Variants in ABCB5 observed in about 807,000 individuals in gnomAD.
ABCB5 encodes ATP binding cassette subfamily B member 5, also known as ATP-binding cassette sub-family B member 5.
Under a neutral mutation model 144.2 loss-of-function variants are expected in ABCB5, and 155 were observed. That is an observed-to-expected ratio of 1.08 (90% confidence interval 0.94 to 1.23). ABCB5 has a LOEUF of 1.23. Among genes scored for constraint, ABCB5 ranks in the 50% most tolerant of loss-of-function variants. The pLI, the probability that ABCB5 is intolerant of heterozygous loss-of-function variation, is 0.00. For missense variants in ABCB5, 1,830 were observed against 1,520.8 expected (o/e 1.20, Z -3.38); for synonymous variants, 610 against 528.6 (o/e 1.15, Z -2.11).
At chr7:20,624,428 C>T (rs923422566) in intron 2 of ABCB5, among the ~76,000 whole-genome samples, 2 of 152,156 alleles carry the variant, frequency 1.3e-5, no homozygotes, top group East Asian at 3.8e-4. Context: ...AAAAAACTAA[C>T]AGGTCAGTAG....
At chr7:20,691,384 A>T (rs1786223803) in intron 16 of ABCB5, among the ~76,000 whole-genome samples, 1 of 151,586 alleles carries the variant, frequency 6.6e-6, no homozygotes, top group Non-Finnish European at 1.5e-5. Context: ...ACTTCTCAGA[A>T]AGAGAAAAGC....
chr7:20,702,727 T>A (rs1786672408), intron 19 of ABCB5, among the ~76,000 whole-genome samples: 1 of 150,092 alleles, frequency 6.7e-6, no homozygotes, highest in Non-Finnish European at 1.5e-5. Context: ...AATGGCGTGA[T>A]CTCGGCTCAC....
intron 26 of ABCB5, among the ~76,000 whole-genome samples, chr7:20,747,822 AAT>A (rs1324817903): frequency 6.6e-6 from 1 of 152,214 alleles, no homozygotes; most frequent in African/African-American, 2.4e-5. Flanking sequence ...ACCAAAATAA[AAT>A]AGTTTAAAAA....
chr7:20,684,046 T>C (rs1234214215), intron 15 of ABCB5, among the ~76,000 whole-genome samples: 1 of 152,210 alleles, frequency 6.6e-6, no homozygotes, highest in Non-Finnish European at 1.5e-5. Flanking sequence ...GAAATGGTAA[T>C]AACCTATTAA....
At chr7:20,692,013 G>A (rs1430910701) in intron 16 of ABCB5, among the ~76,000 whole-genome samples, 1 of 152,100 alleles carries the variant, frequency 6.6e-6, no homozygotes, top group Non-Finnish European at 1.5e-5. Flanking sequence ...GAGACATTAA[G>A]CATTTATTAT....
At chr7:20,667,166 C>T in intron 14 of ABCB5, 9 of 859,500 alleles carry the variant, frequency 1.0e-5, no homozygotes, top group South Asian at 5.5e-5. Flanking sequence ...TTATTTGATG[C>T]ACTCAGATAC....
At chr7:20,647,370 C>T in intron 9 of ABCB5, 165 bp from the exon 10 acceptor site, 1 of 1,347,360 alleles carries the variant, frequency 7.4e-7, no homozygotes, top group South Asian at 2.1e-5. Flanking sequence ...TGGCTAAGAT[C>T]AAGTGTAATC....
intron 14 of ABCB5, among the ~76,000 whole-genome samples, chr7:20,671,790 T>A (rs1233456741): frequency 6.6e-6 from 1 of 152,250 alleles, no homozygotes; most frequent in African/African-American, 2.4e-5. Context: ...TAAACATTCA[T>A]ATGCAAGTCT....
At chr7:20,698,185 G>A (rs1337876023) in intron 16 of ABCB5, among the ~76,000 whole-genome samples, 1 of 151,968 alleles carries the variant, frequency 6.6e-6, no homozygotes, top group Non-Finnish European at 1.5e-5. Context: ...GCCAAAAAGT[G>A]ATATTGCACA....
At chr7:20,695,324 T>C (rs182330082) in intron 16 of ABCB5, among the ~76,000 whole-genome samples, 15 of 151,882 alleles carry the variant, frequency 9.9e-5, no homozygotes, top group South Asian at 4.1e-4. Flanking sequence ...TTAACAATTT[T>C]TTTTTTCAAA....
At position 20,739,097 on chromosome 7, in the gene ABCB5, G is replaced by A. The variant is rs1583462535; in HGVS notation, c.2982G>A (p.Lys994=). ...GAAHLFALLE[K]KPNIDSRSQE... Reference sequence around the variant, plus strand: ...CGCATCTGTTTGCCTTGTTGGAAAAGAAACCAAATATAGACAGCCGCAGTC... The same window carrying A: ...CGCATCTGTTTGCCTTGTTGGAAAAAAAACCAAATATAGACAGCCGCAGTC... Residue 994 remains lysine (K), a synonymous_variant, in exon 24 of 28, where the codon AAG becomes AAA. Coordinates refer to ENST00000404938, the MANE Select transcript of ABCB5 (RefSeq NM_001163941.2). 1 of 1,609,278 alleles carries A rather than the reference G, an allele frequency of 6.2e-7. No homozygotes were observed. The highest frequency in any genetic ancestry group is 8.5e-7 in the Non-Finnish European group (1 of 1,177,908).
In ABCB5 at chr7:20,658,733, G is replaced by C; in HGVS notation, c.1707+57G>C. On this transcript the variant is annotated intron_variant, in intron 14 of 27. Transcript: ENST00000404938. ...ACTCCTGGTTCATTATTGTTTTGAA[G>C]TACAAGAAAGTATAGATCTGTAATA... 9 of 1,574,166 alleles carry C rather than the reference G, an allele frequency of 5.7e-6. No individual in the cohort carries two copies. In the South Asian group the frequency reaches 1.0e-4, roughly 18 times the overall value.
chr7:20,666,713 T>C lies in ABCB5; in HGVS notation c.1707+8037T>C, dbSNP rs762952846. On this transcript the variant is annotated intron_variant, in intron 14 of 27. Coordinates refer to ENST00000404938, the MANE Select transcript of ABCB5 (RefSeq NM_001163941.2). The stretch of plus-strand genomic sequence containing the variant: ...TTTTAGCTTTGTGTAATCTGTGAAG[T>C]AGGATAGGAGATACTAGGAAATTCT... 9 of 1,582,262 alleles carry C rather than the reference T, an allele frequency of 5.7e-6. No homozygotes were observed. In the African/African-American group the frequency reaches 1.1e-4, roughly 19 times the overall value.
At chr7:20,648,382 A>C (rs559467808) in intron 11 of ABCB5, among the ~76,000 whole-genome samples, 1 of 152,290 alleles carries the variant, frequency 6.6e-6, no homozygotes, top group East Asian at 1.9e-4. Context: ...TGGTTCCTAG[A>C]TGCTACCCCA....
intron 19 of ABCB5, among the ~76,000 whole-genome samples, chr7:20,702,952 T>C (rs1289787500): frequency 6.6e-6 from 1 of 151,644 alleles, no homozygotes; most frequent in East Asian, 1.9e-4. Flanking sequence ...TTTTCATATA[T>C]ATTGCCTATG....
chr7:20,659,865 G>A, intron 14 of ABCB5: 4 of 905,868 alleles, frequency 4.4e-6, no homozygotes, highest in Middle Eastern at 5.7e-4. Flanking sequence ...TGTATTTTTA[G>A]TAGAGACAAG....
intron 14 of ABCB5, among the ~76,000 whole-genome samples, chr7:20,661,354 T>C (rs919889578): frequency 1.3e-5 from 2 of 152,140 alleles, no homozygotes; most frequent in Non-Finnish European, 2.9e-5. Context: ...TCTCTCTTTC[T>C]CCACTTGAAC....
rs574338099 is a variant in ABCB5 at position 20,666,165 on chromosome 7, T to C, written c.1707+7489T>C. Among the ~76,000 whole-genome samples the C allele has an allele frequency of 2.5e-3, 344 of 136,666 alleles. 7 individuals are homozygous for C. In the South Asian group the frequency reaches 0.045, roughly 18 times the overall value. 89.7% of individuals were successfully genotyped at this position (136,666 alleles called of 152,430 possible). ...AGCCTGGGCAACAAGAGTGAAACTC[T>C]GTCTCAAAAAAAAAAAAAAAAAAAG... On this transcript the variant is annotated intron_variant, in intron 14 of 27. Transcript: ENST00000404938.
chr7:20,623,395 C>T (rs1783841578), intron 2 of ABCB5, 57 bp downstream of exon 2: 3 of 1,308,776 alleles, frequency 2.3e-6, no homozygotes, highest in Non-Finnish European at 3.2e-6. Context: ...ATAACTCATC[C>T]TTTCCACACC....
Sources: allele counts gnomAD v4.1 joint callset (sites outside exome capture counted in the v4.1 genomes callset), GRCh38; gene constraint gnomAD v4.1.1; transcripts MANE v1.5; gene names NCBI Gene and HGNC (gene_info 2026-07-23, HGNC 2026-07-21).